The following ATE1 variants were observed in gnomAD, a reference collection of about 807,000 sequenced individuals.
ATE1 encodes the protein arginyltransferase 1, also known as arginyl-tRNA--protein transferase 1.
Under a neutral mutation model 70.5 loss-of-function variants are expected in ATE1, and 36 were observed. That is an observed-to-expected ratio of 0.51 (90% CI 0.39 to 0.67). ATE1 has a LOEUF of 0.67. Ranked by LOEUF, ATE1 falls within the 30% of genes least tolerant of loss-of-function variation. The pLI is 0.00. For synonymous variants in ATE1, 232 were observed against 219.3 expected, an observed-to-expected ratio of 1.06 and a Z score of -0.51; for missense variants, 593 against 629.5, an observed-to-expected ratio of 0.94 and a Z score of 0.62.
intron 8 of ATE1, among the ~76,000 whole-genome samples, chr10:121,843,237 T>C (rs562345987): frequency 6.6e-6 from 1 of 152,254 alleles, no homozygotes; most frequent in Admixed American, 6.5e-5. Context: ...TGTTTAGTTA[T>C]AAATCAAACA....
At chr10:121,784,855 T>C (rs1170768471) in intron 11 of ATE1, among the ~76,000 whole-genome samples, 3 of 151,966 alleles carry the variant, frequency 2.0e-5, no homozygotes, top group Non-Finnish European at 4.4e-5. Flanking sequence ...CAAGACTCCA[T>C]CACAAAAAAA....
chr10:121,755,537 G>GT (rs1481554025), intron 11 of ATE1, among the ~76,000 whole-genome samples: 2 of 152,170 alleles, frequency 1.3e-5, no homozygotes, highest in African/African-American at 2.4e-5. Flanking sequence ...GTATTAGTCC[G>GT]TTTTTACACT....
intron 7 of ATE1, among the ~76,000 whole-genome samples, chr10:121,880,250 G>A (rs934507598): frequency 2.0e-5 from 3 of 152,004 alleles, no homozygotes; most frequent in East Asian, 1.9e-4. Flanking sequence ...GTTTGAATAC[G>A]CCCACATCTT....
intron 1 of ATE1, among the ~76,000 whole-genome samples, 175 bp downstream of exon 1, chr10:121,927,669 C>A (rs1395575237): frequency 6.6e-6 from 1 of 152,206 alleles, no homozygotes; most frequent in Non-Finnish European, 1.5e-5. Flanking sequence ...GCAGAACAGG[C>A]ACCGCGAAGC....
chr10:121,823,668 A>C (rs951708797), intron 10 of ATE1, among the ~76,000 whole-genome samples: 2 of 152,224 alleles, frequency 1.3e-5, no homozygotes, highest in African/African-American at 4.8e-5. Flanking sequence ...CTCCACAGAT[A>C]CTGATTCTTT....
At chr10:121,907,818 T>A (rs1951260636) in intron 5 of ATE1, among the ~76,000 whole-genome samples, 1 of 151,260 alleles carries the variant, frequency 6.6e-6, no homozygotes, top group Admixed American at 6.6e-5. Flanking sequence ...GAATTGGAAA[T>A]ATCAGTATGA....
rs572418563 is a variant in ATE1 at position 121,827,484 on chromosome 10, C to T, written c.1257+9234G>A. 3.9e-5 allele frequency among the ~76,000 whole-genome samples: 6 copies of T among 152,322 alleles called. No individual in the cohort carries two copies. The East Asian group carries it at 1.2e-3, about 29-fold the overall frequency. On this transcript the variant is annotated intron_variant, in intron 10 of 11. Transcript: ENST00000224652. ...AGCCAGAAAACCACACTACCCCTCC[C>T]GCTTCAGCAGGATGAGCTCCTCCCA...
chr10:121,762,750 C>T (rs1945105150), intron 11 of ATE1, among the ~76,000 whole-genome samples: 1 of 152,192 alleles, frequency 6.6e-6, no homozygotes, highest in South Asian at 2.1e-4. Context: ...ACTGGAATCA[C>T]AGGTAAATAA....
intron 11 of ATE1, among the ~76,000 whole-genome samples, chr10:121,758,873 G>A (rs1944917471): frequency 6.6e-6 from 1 of 152,138 alleles, no homozygotes; most frequent in Non-Finnish European, 1.5e-5. Flanking sequence ...CTGTGCCCAT[G>A]TAAGATGGCA....
intron 5 of ATE1, among the ~76,000 whole-genome samples, chr10:121,908,063 C>T (rs1292968289): frequency 6.6e-6 from 1 of 152,126 alleles, no homozygotes; most frequent in East Asian, 1.9e-4. Flanking sequence ...GCCTCAAAAG[C>T]CAACTTAAAG....
intron 10 of ATE1, among the ~76,000 whole-genome samples, chr10:121,822,100 T>C (rs1324361212): frequency 6.6e-6 from 1 of 152,174 alleles, no homozygotes; most frequent in Non-Finnish European, 1.5e-5. Flanking sequence ...CGTAACATAA[T>C]GTTCACAGCT....
chr10:121,815,297 G>A (rs1195017303), intron 10 of ATE1, among the ~76,000 whole-genome samples: 4 of 152,066 alleles, frequency 2.6e-5, no homozygotes, highest in Admixed American at 6.6e-5. Context: ...CACCACGCCC[G>A]GCTAATTTTT....
chr10:121,926,405 T>C (rs1952090920), intron 1 of ATE1, among the ~76,000 whole-genome samples: 1 of 151,796 alleles, frequency 6.6e-6, no homozygotes, highest in Non-Finnish European at 1.5e-5. Context: ...CATCTGTAAA[T>C]AAAAAAATAA....
At chr10:121,903,235 T>C (rs529163039) in intron 5 of ATE1, among the ~76,000 whole-genome samples, 4 of 152,232 alleles carry the variant, frequency 2.6e-5, no homozygotes, top group South Asian at 2.1e-4. Flanking sequence ...TCTCTGCCTT[T>C]GTGAGGAAGA....
chr10:121,826,880 CTA>C (rs1411824221), intron 10 of ATE1, among the ~76,000 whole-genome samples: 1 of 152,160 alleles, frequency 6.6e-6, no homozygotes, highest in Admixed American at 6.5e-5. Flanking sequence ...ATCTGGTTTT[CTA>C]TGTTAGCTCA....
intron 8 of ATE1, among the ~76,000 whole-genome samples, chr10:121,851,090 C>CAA (rs10603053): frequency 0.049 from 2,124 of 43,222 alleles, 372 homozygotes; most frequent in East Asian, 0.12. Flanking sequence ...GACTCCATCT[C>CAA]AAAAAAAAAA....
chr10:121,791,292 C>A (rs145188278), intron 10 of ATE1, among the ~76,000 whole-genome samples: 3,550 of 151,814 alleles, frequency 0.023, 137 homozygotes, highest in African/African-American at 0.079. Context: ...GGGGGTTTCA[C>A]CATGCTGGCC....
chr10:121,882,532 T>C lies in ATE1; in HGVS notation c.943-12494A>G, dbSNP rs113294712. Reference sequence around the variant, plus strand: ...ACCTGGAGTGAAGAGAGCTGAGCAATTGGGAACTTGCTGAAAGCCACACAG... The same window carrying C: ...ACCTGGAGTGAAGAGAGCTGAGCAACTGGGAACTTGCTGAAAGCCACACAG... On this transcript the variant is annotated intron_variant, in intron 7 of 11. Transcript: ENST00000224652. 1.2e-3 allele frequency among the ~76,000 whole-genome samples: 189 copies of C among 152,318 alleles called. 1 individual carries two copies. The highest frequency in any genetic ancestry group is 4.3e-3 in the African/African-American group (179 of 41,572).
intron 10 of ATE1, among the ~76,000 whole-genome samples, chr10:121,831,735 G>A (rs1301536418): frequency 6.6e-6 from 1 of 152,074 alleles, no homozygotes. Flanking sequence ...ATTCCCACAT[G>A]GCAACATTAG....
Sources: allele counts gnomAD v4.1 joint callset (sites outside exome capture counted in the v4.1 genomes callset), GRCh38; gene constraint gnomAD v4.1.1; transcripts MANE v1.5; gene names NCBI Gene and HGNC (gene_info 2026-07-23, HGNC 2026-07-21).